The following RANBP2 variants were observed in gnomAD, a reference collection of about 807,000 sequenced individuals.
RANBP2 encodes the protein E3 SUMO-protein ligase RanBP2.
Under a neutral mutation model 303.6 loss-of-function variants are expected in RANBP2, and 57 were observed. The observed-to-expected ratio is 0.19, with a 90% CI of 0.15 to 0.23. The LOEUF (loss-of-function observed/expected upper bound fraction) is 0.23. Ranked by LOEUF, RANBP2 falls within the 10% of genes least tolerant of loss-of-function variation. The probability of loss-of-function intolerance (pLI) is 1.00; values close to 1 mark genes in which losing one functional copy is unlikely to be tolerated. For synonymous variants in RANBP2, 1,167 were observed against 1,301.5 expected, an observed-to-expected ratio of 0.90 and a Z score of 2.23; for missense variants, 3,138 against 3,780.8, an observed-to-expected ratio of 0.83 and a Z score of 4.46.
the RANBP2 span, among the ~76,000 whole-genome samples, chr2:109,525,498 C>T: frequency 2.0e-5 from 3 of 152,260 alleles, no homozygotes; most frequent in Admixed American, 6.5e-5. Flanking sequence ...CCTCACCAGC[C>T]GGAGCCCCAC....
chr2:109,301,650 A>C, the RANBP2 span, among the ~76,000 whole-genome samples: 1 of 152,166 alleles, frequency 6.6e-6, no homozygotes, highest in Non-Finnish European at 1.5e-5. Context: ...TGCCGAGACC[A>C]CTAGGCTCCT....
chr2:109,178,241 T>C, the RANBP2 span, among the ~76,000 whole-genome samples: 3 of 152,186 alleles, frequency 2.0e-5, no homozygotes, highest in African/African-American at 7.2e-5. Context: ...TTCTATAAAT[T>C]TCAGGAACTT....
At chr2:109,670,048 G>A in the RANBP2 span, among the ~76,000 whole-genome samples, 2 of 152,160 alleles carry the variant, frequency 1.3e-5, no homozygotes, top group African/African-American at 4.8e-5. Flanking sequence ...GGCGAGCCAC[G>A]ATGCCACAGG....
the RANBP2 span, among the ~76,000 whole-genome samples, chr2:109,320,496 T>C: frequency 7.3e-3 from 1,108 of 152,300 alleles, 14 homozygotes; most frequent in Middle Eastern, 0.037. Flanking sequence ...AGGCCAGTTA[T>C]ACCCTTTCAT....
chr2:109,167,674 C>T, the RANBP2 span, among the ~76,000 whole-genome samples: 66 of 152,264 alleles, frequency 4.3e-4, no homozygotes, highest in African/African-American at 1.5e-3. Context: ...TGGGTTCAAG[C>T]GATTCTCCTA....
the RANBP2 span, among the ~76,000 whole-genome samples, chr2:109,728,416 A>G: frequency 6.6e-6 from 1 of 152,118 alleles, no homozygotes; most frequent in Non-Finnish European, 1.5e-5. Context: ...GGATACTACT[A>G]AATACAGTAA....
At chr2:108,917,313 C>T in the RANBP2 span, among the ~76,000 whole-genome samples, 29 of 152,124 alleles carry the variant, frequency 1.9e-4, no homozygotes, top group Admixed American at 2.0e-4. Flanking sequence ...AAAGTCCAGC[C>T]GGGCAGGAGG....
chr2:108,846,494 C>T, the RANBP2 span, among the ~76,000 whole-genome samples: 14 of 150,194 alleles, frequency 9.3e-5, no homozygotes, highest in African/African-American at 3.4e-4. Flanking sequence ...GCCTCAGCAA[C>T]TTAGTGAGAC....
the RANBP2 span, among the ~76,000 whole-genome samples, chr2:109,676,020 A>G: frequency 1.3e-5 from 2 of 152,244 alleles, no homozygotes; most frequent in Non-Finnish European, 2.9e-5. Context: ...CGCGCTGTCC[A>G]CACGTTCATT....
chr2:109,761,975 G>A, the RANBP2 span, among the ~76,000 whole-genome samples: 1 of 149,240 alleles, frequency 6.7e-6, no homozygotes, highest in Non-Finnish European at 1.5e-5. Context: ...ATGATATGTG[G>A]ATCTGTGTGT....
At chr2:108,914,846 G>T in the RANBP2 span, among the ~76,000 whole-genome samples, 4 of 152,178 alleles carry the variant, frequency 2.6e-5, no homozygotes, top group African/African-American at 9.7e-5. Context: ...CAGTGGAATG[G>T]CCCAGCACTG....
chr2:109,585,073 C>T, the RANBP2 span: 17 of 1,143,058 alleles, frequency 1.5e-5, no homozygotes, highest in South Asian at 5.6e-5. Flanking sequence ...GGCTATAAGG[C>T]GAATGTCTTG....
the RANBP2 span, among the ~76,000 whole-genome samples, chr2:109,664,215 A>G: frequency 1.3e-5 from 2 of 152,248 alleles, no homozygotes; most frequent in African/African-American, 4.8e-5. Context: ...GTAAAGATGC[A>G]TACGTTATAG....
chr2:109,672,604 G>GT, the RANBP2 span, among the ~76,000 whole-genome samples: 5 of 152,050 alleles, frequency 3.3e-5, no homozygotes, highest in Admixed American at 1.3e-4. Flanking sequence ...GGTATGAACT[G>GT]TTTTTTTAAG....
the RANBP2 span, among the ~76,000 whole-genome samples, chr2:109,316,835 G>T: frequency 6.6e-6 from 1 of 152,328 alleles, no homozygotes; most frequent in African/African-American, 2.4e-5. Flanking sequence ...TCTGGCTGCC[G>T]TGGGTCTTTG....
At chr2:108,782,448 T>TA in intron 27 of RANBP2, 47 bp downstream of exon 27, 1 of 1,613,786 alleles carries the variant, frequency 6.2e-7, no homozygotes, top group African/African-American at 1.3e-5. Flanking sequence ...TGGACTTTTC[T>TA]AAAATCTATA....
the RANBP2 span, among the ~76,000 whole-genome samples, chr2:109,107,288 G>A: frequency 6.6e-6 from 1 of 151,624 alleles, no homozygotes; most frequent in Non-Finnish European, 1.5e-5. Context: ...GACCATCCAC[G>A]GAAGAGTATG....
At chr2:109,326,100 C>T in the RANBP2 span, among the ~76,000 whole-genome samples, 1 of 152,298 alleles carries the variant, frequency 6.6e-6, no homozygotes, top group South Asian at 2.1e-4. Flanking sequence ...CATGGTAAAA[C>T]ATTTAAGGAC....
the RANBP2 span, among the ~76,000 whole-genome samples, chr2:109,430,358 C>T: frequency 6.6e-6 from 1 of 152,224 alleles, no homozygotes; most frequent in Non-Finnish European, 1.5e-5. Flanking sequence ...TACTGATTCA[C>T]AAGCCTTCCA....
Sources: allele counts gnomAD v4.1 joint callset (sites outside exome capture counted in the v4.1 genomes callset), GRCh38; gene constraint gnomAD v4.1.1; transcripts MANE v1.5; gene names NCBI Gene and HGNC (gene_info 2026-07-23, HGNC 2026-07-21).